Variants in PCDH15 observed in about 807,000 individuals in gnomAD.
PCDH15 encodes protocadherin related 15, also known as protocadherin-15.
Under a neutral mutation model 178.5 loss-of-function variants are expected in PCDH15, and 129 were observed. The ratio of observed to expected loss-of-function variants is 0.72; its 90% CI spans 0.63 to 0.84. The LOEUF (loss-of-function observed/expected upper bound fraction) is 0.84. Among genes scored for constraint, PCDH15 ranks in the 40% least tolerant of loss-of-function variants. The probability of loss-of-function intolerance (pLI) is 0.00; values close to 1 mark genes in which losing one functional copy is unlikely to be tolerated. For synonymous variants in PCDH15, 800 were observed against 732.0 expected (o/e 1.09, Z -1.50); for missense variants, 2,230 against 2,099.9 (o/e 1.06, Z -1.21).
chr10:54,709,627 T>TATATATATATATAA (rs1491235711), intron 1 of PCDH15, among the ~76,000 whole-genome samples: 1 of 141,850 alleles, frequency 7.0e-6, no homozygotes, highest in Non-Finnish European at 1.5e-5. Flanking sequence ...TATATATATA[T>TATATATATATATAA]AAAATCACTT....
chr10:54,413,743 G>A (rs1232117536), intron 3 of PCDH15, among the ~76,000 whole-genome samples: 1 of 152,034 alleles, frequency 6.6e-6, no homozygotes, highest in African/African-American at 2.4e-5. Flanking sequence ...GTCTATGTCT[G>A]TCTGTATACA....
chr10:54,424,495 T>C (rs1240426601), intron 3 of PCDH15, among the ~76,000 whole-genome samples: 3 of 151,926 alleles, frequency 2.0e-5, no homozygotes, highest in East Asian at 1.9e-4. Context: ...TTGACCCAGC[T>C]GTCCCATTAC....
At chr10:53,877,766 T>A (rs1391035371) in intron 26 of PCDH15, among the ~76,000 whole-genome samples, 1 of 152,088 alleles carries the variant, frequency 6.6e-6, no homozygotes, top group Non-Finnish European at 1.5e-5. Context: ...CTCGGTTTAA[T>A]CTCACCTCCT....
intron 13 of PCDH15, among the ~76,000 whole-genome samples, chr10:54,170,312 A>G (rs1194288125): frequency 1.3e-5 from 2 of 152,072 alleles, no homozygotes; most frequent in Non-Finnish European, 2.9e-5. Context: ...TGTGGTCAGA[A>G]TTCTTACACA....
chr10:54,495,229 T>G (rs927698052), intron 3 of PCDH15, among the ~76,000 whole-genome samples: 5 of 152,146 alleles, frequency 3.3e-5, no homozygotes, highest in Non-Finnish European at 4.4e-5. Context: ...GATTTTATGT[T>G]AATAACTCAT....
chr10:54,792,488 G>T (rs540981817), intron 1 of PCDH15, among the ~76,000 whole-genome samples: 1 of 152,054 alleles, frequency 6.6e-6, no homozygotes, highest in Middle Eastern at 3.4e-3. Flanking sequence ...GTTTCTGAAT[G>T]ACATTAACAT....
In PCDH15 at chr10:55,626,148, A is replaced by G. The variant is rs77664207; in HGVS notation, c.-156+1477T>C. On this transcript the variant is annotated intron_variant, in intron 2 of 5. Coordinates refer to the PCDH15 transcript ENST00000613346. The stretch of plus-strand genomic sequence containing the variant: ...GTACAGAAGCAAGAGAGAGAGAAAG[A>G]GAGAGAGAGAGAATAAATAAATAAA... 4.4e-3 allele frequency among the ~76,000 whole-genome samples: 669 copies of G among 150,976 alleles called. 5 individuals are homozygous for G. Among genetic ancestry groups the G allele is most frequent in the African/African-American group, 0.016 (641 of 40,752 alleles).
At chr10:53,835,754 A>G (rs2077269149) in intron 29 of PCDH15, among the ~76,000 whole-genome samples, 1 of 151,086 alleles carries the variant, frequency 6.6e-6, no homozygotes, top group Non-Finnish European at 1.5e-5. Flanking sequence ...ATGTCTCTAC[A>G]AAAAACAAAA....
intron 2 of PCDH15, among the ~76,000 whole-genome samples, chr10:55,482,887 C>A (rs1463287699): frequency 1.3e-5 from 2 of 151,800 alleles, no homozygotes; most frequent in Admixed American, 6.6e-5. Flanking sequence ...TGGGAAAGTT[C>A]TCATGGATGA....
chr10:54,116,023 T>C (rs12269221), intron 15 of PCDH15, among the ~76,000 whole-genome samples: 4,460 of 152,186 alleles, frequency 0.029, 240 homozygotes, highest in African/African-American at 0.1. Flanking sequence ...TGTTTCAATT[T>C]TTAAAAGTCA....
At chr10:55,575,431 A>G (rs191931530) in intron 2 of PCDH15, among the ~76,000 whole-genome samples, 2 of 152,282 alleles carry the variant, frequency 1.3e-5, no homozygotes, top group East Asian at 1.9e-4. Flanking sequence ...CTATTTTCCA[A>G]TGTTTGAGGT....
chr10:55,025,950 C>T (rs896672834), intron 2 of PCDH15, among the ~76,000 whole-genome samples: 2 of 151,818 alleles, frequency 1.3e-5, no homozygotes, highest in African/African-American at 4.8e-5. Flanking sequence ...TTTCACAATA[C>T]TTTGTTAGAC....
At chr10:54,915,995 A>C (rs796608543) in intron 2 of PCDH15, among the ~76,000 whole-genome samples, 27 of 152,152 alleles carry the variant, frequency 1.8e-4, no homozygotes, top group African/African-American at 6.3e-4. Context: ...TGCCTGGCTA[A>C]TTTTTGTATT....
intron 2 of PCDH15, among the ~76,000 whole-genome samples, chr10:55,341,015 G>A (rs1331812955): frequency 1.3e-5 from 2 of 151,552 alleles, no homozygotes; most frequent in African/African-American, 4.8e-5. Flanking sequence ...TTTCACTCTG[G>A]TAGGACCTTT....
At chr10:54,746,817 T>C (rs1945523317) in intron 1 of PCDH15, among the ~76,000 whole-genome samples, 1 of 152,106 alleles carries the variant, frequency 6.6e-6, no homozygotes, top group Non-Finnish European at 1.5e-5. Flanking sequence ...AAAAGGCTTA[T>C]GGGGCAAAGT....
At chr10:54,257,679 C>A (rs1273075891) in intron 8 of PCDH15, among the ~76,000 whole-genome samples, 1 of 151,904 alleles carries the variant, frequency 6.6e-6, no homozygotes, top group Non-Finnish European at 1.5e-5. Context: ...CATTTTGTGG[C>A]CTTACATGTG....
rs139041793 is a variant in PCDH15 at position 54,293,609 on chromosome 10, A to G, written c.876+23662T>C. 9.0e-3 allele frequency among the ~76,000 whole-genome samples: 1,373 copies of G among 152,300 alleles called. 19 individuals carry two copies. Among genetic ancestry groups the G allele is most frequent in the African/African-American group, 0.029 (1,222 of 41,558 alleles). ...TATCCAGAATCTACAAAGAACTCAA[A>G]CAAATTTACAAGACAAAAACAAAAA... On this transcript the variant is annotated intron_variant, in intron 8 of 37. Transcript: ENST00000644397.
At chr10:54,768,156 G>A (rs1356987447) in intron 1 of PCDH15, among the ~76,000 whole-genome samples, 4 of 152,062 alleles carry the variant, frequency 2.6e-5, no homozygotes, top group Admixed American at 2.6e-4. Context: ...AAATATGAAT[G>A]TGATTATATG....
At chr10:55,608,577 C>T (rs1003429035) in intron 2 of PCDH15, among the ~76,000 whole-genome samples, 3 of 151,666 alleles carry the variant, frequency 2.0e-5, no homozygotes, top group Non-Finnish European at 4.4e-5. Flanking sequence ...ACCAAAACAC[C>T]ATGGGTTCTG....
Sources: allele counts gnomAD v4.1 joint callset (sites outside exome capture counted in the v4.1 genomes callset), GRCh38; gene constraint gnomAD v4.1.1; transcripts MANE v1.5; gene names NCBI Gene and HGNC (gene_info 2026-07-23, HGNC 2026-07-21).